MACROD2: variants seen among roughly 807,000 people sequenced by gnomAD.
MACROD2 encodes the protein ADP-ribose glycohydrolase MACROD2.
In MACROD2, 36 loss-of-function variants were observed where a neutral mutation model predicts 70.4. That is an observed-to-expected ratio of 0.51 (90% CI 0.39 to 0.68). The LOEUF is 0.68. Among genes scored for constraint, MACROD2 ranks in the 30% least tolerant of loss-of-function variants. The probability of loss-of-function intolerance (pLI) is 0.00; values close to 1 mark genes in which losing one functional copy is unlikely to be tolerated. For missense variants in MACROD2, 496 were observed against 538.4 expected (o/e 0.92, Z 0.78); for synonymous variants, 172 against 178.8 (o/e 0.96, Z 0.30).
rs75981071 is a variant in MACROD2 at position 15,069,136 on chromosome 20, G to A, written c.419-160804G>A. On this transcript the variant is annotated intron_variant, in intron 5 of 17. Coordinates refer to ENST00000684519, the MANE Select transcript of MACROD2 (RefSeq NM_001351661.2). ...CATTGCATCCACGTCTGAGGCCTCT[G>A]TGGAAGGTGAAACTTAAGAGTGATG... 2.4e-3 allele frequency among the ~76,000 whole-genome samples: 366 copies of A among 152,292 alleles called. 1 individual carries two copies. The highest frequency in any genetic ancestry group is 8.6e-3 in the African/African-American group (356 of 41,560).
chr20:14,698,346 T>G (rs1216942395), intron 5 of MACROD2, among the ~76,000 whole-genome samples: 1 of 152,116 alleles, frequency 6.6e-6, no homozygotes, highest in African/African-American at 2.4e-5. Context: ...TCTTTGTGCC[T>G]CCGTTTTGCT....
At chr20:14,768,529 G>T (rs1196419522) in intron 5 of MACROD2, among the ~76,000 whole-genome samples, 1 of 151,950 alleles carries the variant, frequency 6.6e-6, no homozygotes, top group African/African-American at 2.4e-5. Context: ...ATGGTGCCTA[G>T]GCTTGTCTCA....
chr20:15,877,257 C>T (rs1478945506), intron 9 of MACROD2, among the ~76,000 whole-genome samples: 1 of 152,094 alleles, frequency 6.6e-6, no homozygotes, highest in Non-Finnish European at 1.5e-5. Flanking sequence ...AAATTAAATT[C>T]AAAATCTGTT....
intron 4 of MACROD2, among the ~76,000 whole-genome samples, chr20:14,532,302 T>C (rs1483570460): frequency 6.8e-6 from 1 of 146,972 alleles, no homozygotes; most frequent in Non-Finnish European, 1.5e-5. Flanking sequence ...CACTGCAACC[T>C]CCGCCTCCCG....
At chr20:15,863,739 CT>C (rs1488927702) in intron 9 of MACROD2, among the ~76,000 whole-genome samples, 1 of 152,126 alleles carries the variant, frequency 6.6e-6, no homozygotes, top group East Asian at 1.9e-4. Flanking sequence ...CATATTCATC[CT>C]CTTAAGCAGT....
intron 4 of MACROD2, among the ~76,000 whole-genome samples, chr20:14,594,951 GCCATTATTTCA>G (rs1982023694): frequency 6.6e-6 from 1 of 152,048 alleles, no homozygotes; most frequent in Non-Finnish European, 1.5e-5. Flanking sequence ...AAATTTCACT[GCCATTATTTCA>G]CCATACACTT....
chr20:15,608,467 A>ACCT (rs1221507828), intron 8 of MACROD2, among the ~76,000 whole-genome samples: 1 of 152,172 alleles, frequency 6.6e-6, no homozygotes, highest in African/African-American at 2.4e-5. Context: ...CACACGTGCA[A>ACCT]AGACCTAGAC....
intron 3 of MACROD2, among the ~76,000 whole-genome samples, chr20:14,142,523 A>G (rs2054890028): frequency 6.6e-6 from 1 of 152,182 alleles, no homozygotes; most frequent in Non-Finnish European, 1.5e-5. Context: ...GCTTGTTAGC[A>G]GAGTGCCTAG....
chr20:14,907,281 A>C (rs1401804473), intron 5 of MACROD2, among the ~76,000 whole-genome samples: 2 of 152,226 alleles, frequency 1.3e-5, no homozygotes, highest in Non-Finnish European at 1.5e-5. Flanking sequence ...TGCTACTCAG[A>C]GCACACTGAC....
intron 6 of MACROD2, among the ~76,000 whole-genome samples, chr20:15,356,734 C>T (rs1396417330): frequency 2.6e-5 from 4 of 152,042 alleles, no homozygotes; most frequent in South Asian, 2.1e-4. Flanking sequence ...TAGTGAGCTG[C>T]GACTGCACCA....
intron 5 of MACROD2, among the ~76,000 whole-genome samples, chr20:15,189,463 T>C (rs199301): frequency 0.93 from 141,911 of 152,218 alleles, 66,267 homozygotes; most frequent in African/African-American, 0.97. Flanking sequence ...AAATTTCACT[T>C]GTAGCTGTGT....
chr20:15,175,279 G>A (rs1404008485), intron 5 of MACROD2, among the ~76,000 whole-genome samples: 1 of 127,238 alleles, frequency 7.9e-6, no homozygotes, highest in Non-Finnish European at 1.6e-5. Flanking sequence ...GGACTGTTGT[G>A]GGGTGGGGGG....
intron 8 of MACROD2, among the ~76,000 whole-genome samples, chr20:15,508,806 C>T (rs577996185): frequency 1.3e-5 from 2 of 152,278 alleles, no homozygotes; most frequent in South Asian, 2.1e-4. Context: ...GTGTTCCCTA[C>T]CATTTTGGAA....
At chr20:14,920,913 T>C (rs2074154918) in intron 5 of MACROD2, among the ~76,000 whole-genome samples, 2 of 152,116 alleles carry the variant, frequency 1.3e-5, no homozygotes, top group African/African-American at 4.8e-5. Context: ...GGTTTAAAAA[T>C]AATAATTTAA....
At chr20:14,395,965 A>T (rs1273885812) in intron 3 of MACROD2, among the ~76,000 whole-genome samples, 2 of 152,162 alleles carry the variant, frequency 1.3e-5, no homozygotes, top group Non-Finnish European at 2.9e-5. Context: ...ACAATGCCCA[A>T]GGTAGACTAC....
chr20:15,204,926 A>T (rs923431704), intron 5 of MACROD2, among the ~76,000 whole-genome samples: 1 of 152,118 alleles, frequency 6.6e-6, no homozygotes, highest in African/African-American at 2.4e-5. Context: ...CAAACACCCT[A>T]TCATTTGCAT....
chr20:15,423,791 C>G (rs1714236267), intron 6 of MACROD2, among the ~76,000 whole-genome samples: 1 of 152,136 alleles, frequency 6.6e-6, no homozygotes, highest in African/African-American at 2.4e-5. Context: ...ATGGACACAA[C>G]ATTGCATTTA....
At chr20:14,237,789 C>A (rs553174710) in intron 3 of MACROD2, among the ~76,000 whole-genome samples, 2 of 147,432 alleles carry the variant, frequency 1.4e-5, no homozygotes, top group Admixed American at 7.0e-5. Flanking sequence ...TGAGAACGTG[C>A]GGTGTTTGGT....
intron 3 of MACROD2, among the ~76,000 whole-genome samples, chr20:14,382,033 G>T (rs1449273854): frequency 2.0e-5 from 3 of 150,908 alleles, no homozygotes; most frequent in Middle Eastern, 6.4e-3. Context: ...TGTTTGTTTT[G>T]GTACCACATA....
Sources: gnomAD v4.1 joint callset for allele counts (sites outside exome capture counted in the v4.1 genomes callset) on GRCh38, gnomAD v4.1.1 for gene constraint, MANE v1.5 for transcripts, NCBI Gene and HGNC (gene_info 2026-07-23, HGNC 2026-07-21) for gene names.